The following SPAG16 variants were observed in gnomAD, a reference collection of about 807,000 sequenced individuals.
SPAG16 encodes sperm associated antigen 16, also known as sperm-associated antigen 16 protein.
SPAG16 carries 86 observed loss-of-function variants against 80.4 expected under a neutral mutation model. The ratio of observed to expected loss-of-function variants is 1.07; its 90% CI spans 0.90 to 1.28. SPAG16 has a LOEUF of 1.28. SPAG16 is among the 50% of genes most tolerant of loss of function. SPAG16 has a pLI of 0.00. For missense variants in SPAG16, 870 were observed against 765.3 expected (o/e 1.14, Z -1.61); for synonymous variants, 294 against 265.9 (o/e 1.11, Z -1.03).
intron 15 of SPAG16, among the ~76,000 whole-genome samples, chr2:214,318,096 A>T (rs1695817811): frequency 6.6e-6 from 1 of 152,198 alleles, no homozygotes; most frequent in South Asian, 2.1e-4. Flanking sequence ...AGATATCAGG[A>T]TCCTGGATTC....
intron 9 of SPAG16, among the ~76,000 whole-genome samples, chr2:213,380,222 A>G (rs2067099084): frequency 6.6e-6 from 1 of 152,198 alleles, no homozygotes; most frequent in Non-Finnish European, 1.5e-5. Context: ...AGTTCTGCCC[A>G]CTGGGAAGAT....
intron 10 of SPAG16, among the ~76,000 whole-genome samples, chr2:213,558,753 T>C (rs2059510198): frequency 6.6e-6 from 1 of 152,124 alleles, no homozygotes; most frequent in Non-Finnish European, 1.5e-5. Flanking sequence ...TTTACCTTTT[T>C]ATTATGGAAA....
In SPAG16 at chr2:213,554,884, A is replaced by G. The variant is rs140664236; in HGVS notation, c.1070+64794A>G. On this transcript the variant is annotated intron_variant, in intron 10 of 15. Coordinates refer to ENST00000331683, the MANE Select transcript of SPAG16 (RefSeq NM_024532.5). ...CAAATACAAATATTCAAGTTATAAG[A>G]GTTTAAGAAGGTGAGGAAAGAGACC... is the stretch of plus-strand genomic sequence containing the variant. 4.8e-3 allele frequency among the ~76,000 whole-genome samples: 731 copies of G among 152,208 alleles called. 5 individuals carry two copies. Among genetic ancestry groups the G allele is most frequent in the South Asian group, 0.017 (83 of 4,830 alleles).
intron 12 of SPAG16, among the ~76,000 whole-genome samples, chr2:213,966,507 A>G (rs1345062581): frequency 6.6e-6 from 1 of 152,262 alleles, no homozygotes; most frequent in African/African-American, 2.4e-5. Context: ...TATTAATACA[A>G]ACATTGCTGA....
At chr2:213,540,518 C>T (rs926144792) in intron 10 of SPAG16, among the ~76,000 whole-genome samples, 3 of 152,012 alleles carry the variant, frequency 2.0e-5, no homozygotes, top group African/African-American at 7.3e-5. Context: ...TTTAATATTA[C>T]ATTTCATTTT....
At chr2:214,064,485 C>T (rs1027899242) in intron 13 of SPAG16, among the ~76,000 whole-genome samples, 10 of 151,896 alleles carry the variant, frequency 6.6e-5, no homozygotes, top group Non-Finnish European at 1.2e-4. Context: ...CAGAAATATT[C>T]GGAGACCTCT....
intron 5 of SPAG16, among the ~76,000 whole-genome samples, chr2:213,324,887 C>G (rs751201790): frequency 2.0e-5 from 3 of 152,120 alleles, no homozygotes; most frequent in Non-Finnish European, 2.9e-5. Context: ...TTGCTCCAAA[C>G]AGCTACTAAC....
rs79915090 is a variant in SPAG16 at position 214,123,834 on chromosome 2, G to A, written c.1593+15573G>A. ...CCTGAAGTGGTGACAACATGGTCCC[G>A]TGGAGGAATAGCAAAATCGGGACAC... On this transcript the variant is annotated intron_variant, in intron 14 of 15. Coordinates refer to ENST00000331683, the MANE Select transcript of SPAG16 (RefSeq NM_024532.5). Among the ~76,000 whole-genome samples the A allele has an allele frequency of 2.4e-3, 368 of 152,120 alleles. 2 individuals are homozygous for A. Among genetic ancestry groups the A allele is most frequent in the African/African-American group, 7.9e-3 (329 of 41,522 alleles).
chr2:213,315,165 GTTTTT>G (rs1024015574), intron 4 of SPAG16, among the ~76,000 whole-genome samples: 1 of 151,174 alleles, frequency 6.6e-6, no homozygotes, highest in African/African-American at 2.4e-5. Context: ...TGCTCAAATT[GTTTTT>G]TTTAACTTTA....
chr2:213,997,841 A>G (rs2124847514), intron 12 of SPAG16, among the ~76,000 whole-genome samples: 1 of 152,272 alleles, frequency 6.6e-6, no homozygotes, highest in Middle Eastern at 3.4e-3. Context: ...CCCATGGGCC[A>G]TGGGTTGGAC....
chr2:213,614,199 C>G (rs2061524381), intron 10 of SPAG16, among the ~76,000 whole-genome samples: 1 of 152,150 alleles, frequency 6.6e-6, no homozygotes, highest in African/African-American at 2.4e-5. Context: ...TTTGCTAAAA[C>G]AAAATGAAAG....
rs138766953 is a variant in SPAG16 at position 213,855,588 on chromosome 2, G to C, written c.1071-6897G>C. The stretch of plus-strand genomic sequence containing the variant: ...TGTTATAAAGACATACCTGAGACTG[G>C]GAAATTTATGAAGAAAAGAGATTTA... On this transcript the variant is annotated intron_variant, in intron 10 of 15. Transcript: ENST00000331683. Among the ~76,000 whole-genome samples the C allele has an allele frequency of 3.3e-3, 506 of 152,278 alleles. 1 individual carries two copies. Among genetic ancestry groups the C allele is most frequent in the African/African-American group, 9.5e-3 (393 of 41,536 alleles).
At position 214,012,277 on chromosome 2, in the gene SPAG16, TATATATA is replaced by T. The variant is rs1407337225; in HGVS notation, c.1401-1673_1401-1667del. Among the ~76,000 whole-genome samples, 51 of 56,346 alleles carry T rather than the reference TATATATA, an allele frequency of 9.1e-4. 1 individual carries two copies. Among genetic ancestry groups the T allele is most frequent in the African/African-American group, 2.8e-3 (41 of 14,890 alleles). The allele number at this position is 56,346 out of a possible 152,430, so 37.0% of individuals were successfully genotyped here. A position where few individuals can be genotyped will look rare whatever the true frequency, so the allele number is the denominator to read the frequency against. ...ATACTTACATATATATATATATATATATATATATATATTTTTTTTTTTTTTTTTTTTT... is the reference window on the plus strand; with the variant it reads ...ATACTTACATATATATATATATATATTATATTTTTTTTTTTTTTTTTTTTT... On this transcript the variant is annotated intron_variant, in intron 12 of 15. Transcript: ENST00000331683.
chr2:214,277,828 C>T (rs973483450), intron 15 of SPAG16, among the ~76,000 whole-genome samples: 2 of 152,332 alleles, frequency 1.3e-5, no homozygotes, highest in African/African-American at 4.8e-5. Context: ...GGAAGAACCA[C>T]TGCTCTCTTC....
intron 9 of SPAG16, among the ~76,000 whole-genome samples, chr2:213,444,905 T>C (rs546648783): frequency 3.3e-5 from 5 of 152,116 alleles, no homozygotes; most frequent in African/African-American, 1.2e-4. Context: ...TAGACTAATA[T>C]TAGAAACAAA....
chr2:213,288,341 G>C (rs1483954123), intron 1 of SPAG16, among the ~76,000 whole-genome samples: 1 of 152,110 alleles, frequency 6.6e-6, no homozygotes, highest in Non-Finnish European at 1.5e-5. Context: ...GTCTCGCTCT[G>C]TCTCCCAGGC....
chr2:214,130,616 C>T (rs1349725003), intron 14 of SPAG16, among the ~76,000 whole-genome samples: 2 of 152,176 alleles, frequency 1.3e-5, no homozygotes, highest in Non-Finnish European at 1.5e-5. Flanking sequence ...AACCCTACTG[C>T]CCTGCTTTGA....
chr2:213,936,171 G>C (rs1302181949), intron 12 of SPAG16, among the ~76,000 whole-genome samples: 1 of 152,096 alleles, frequency 6.6e-6, no homozygotes, highest in African/African-American at 2.4e-5. Flanking sequence ...TTCTGATCAG[G>C]AAGCTTTCCT....
intron 4 of SPAG16, among the ~76,000 whole-genome samples, chr2:213,312,987 A>G (rs1448134809): frequency 2.6e-5 from 4 of 151,838 alleles, no homozygotes; most frequent in Admixed American, 1.3e-4. Context: ...AATGACTCCC[A>G]GTGAACACTA....
Sources: allele counts gnomAD v4.1 joint callset (sites outside exome capture counted in the v4.1 genomes callset), GRCh38; gene constraint gnomAD v4.1.1; transcripts MANE v1.5; gene names NCBI Gene and HGNC (gene_info 2026-07-23, HGNC 2026-07-21).